The following BFSP1 variants were observed in gnomAD, a reference collection of about 807,000 sequenced individuals.
The protein encoded by BFSP1 is beaded filament structural protein 1.
In BFSP1, 38 loss-of-function variants were observed where a neutral mutation model predicts 43.9. That is an observed-to-expected ratio of 0.87 (90% CI 0.67 to 1.14). The LOEUF (loss-of-function observed/expected upper bound fraction) is 1.14. Among genes scored for constraint, BFSP1 ranks in the 50% most tolerant of loss-of-function variants. The pLI is 0.00. For missense variants in BFSP1, 850 were observed against 875.1 expected, an observed-to-expected ratio of 0.97 and a Z score of 0.36; for synonymous variants, 352 against 354.8, an observed-to-expected ratio of 0.99 and a Z score of 0.09.
exon 1 of BFSP1, chr20:17,558,805 T>C: frequency 6.9e-7 from 1 of 1,453,958 alleles, no homozygotes; most frequent in Non-Finnish European, 9.2e-7. Context: ...CAAAACCCTC[T>C]CCAGAGGGCC....
chr20:17,495,543 C>T (rs748050276), intron 7 of BFSP1, among the ~76,000 whole-genome samples: 3 of 152,148 alleles, frequency 2.0e-5, no homozygotes, highest in East Asian at 1.9e-4. Flanking sequence ...AACCCGTTCA[C>T]GGTGGATCTA....
chr20:17,559,532 C>T (rs1487965711), upstream of BFSP1, among the ~76,000 whole-genome samples: 2 of 152,202 alleles, frequency 1.3e-5, no homozygotes, highest in Non-Finnish European at 2.9e-5. Flanking sequence ...AACAGTAGGG[C>T]TAGGCAAGAC....
chr20:17,528,778 C>T (rs927911935), intron 1 of BFSP1, among the ~76,000 whole-genome samples: 4 of 152,092 alleles, frequency 2.6e-5, no homozygotes, highest in Admixed American at 6.6e-5. Context: ...TGACAGGAAT[C>T]GAATCAATAA....
chr20:17,522,020 G>A (rs993997693), intron 2 of BFSP1, among the ~76,000 whole-genome samples: 2 of 152,192 alleles, frequency 1.3e-5, no homozygotes, highest in Non-Finnish European at 2.9e-5. Context: ...CAGAGCCCGA[G>A]ATGCAGGCAG....
intron 1 of BFSP1, among the ~76,000 whole-genome samples, chr20:17,551,255 G>A (rs1163193687): frequency 2.6e-5 from 4 of 152,200 alleles, no homozygotes; most frequent in African/African-American, 7.2e-5. Flanking sequence ...GCCTCAGGGA[G>A]TTTTTACTCA....
intron 6 of BFSP1, among the ~76,000 whole-genome samples, chr20:17,497,413 T>G (rs2033660305): frequency 6.7e-6 from 1 of 149,624 alleles, no homozygotes; most frequent in Non-Finnish European, 1.5e-5. Flanking sequence ...GAGTATGATA[T>G]CTCCAACTTA....
intron 4 of BFSP1, 30 bp downstream of exon 4, chr20:17,511,946 T>G (rs1181616874): frequency 1.3e-6 from 2 of 1,548,192 alleles, no homozygotes; most frequent in Admixed American, 1.7e-5. Flanking sequence ...CCTCCAGGGC[T>G]GGTTTGCCTT....
rs760220303 is a variant in BFSP1 at position 17,494,635 on chromosome 20, G to A, written c.1437C>T (p.Tyr479=). 5.2e-5 allele frequency: 84 copies of A among 1,614,118 alleles called. No homozygotes were observed. The highest frequency in any genetic ancestry group is 2.1e-4 in the South Asian group (19 of 91,076). ...RHVLVTGDAN[Y]VDPRFYVSSI... is the part of the protein sequence containing the mutation. ...AGGAGACATAGAATCTAGGGTCCAC[G>A]TAATTGGCATCCCCTGTGACCAGCA... Residue 479 remains tyrosine (Y), a synonymous_variant, in exon 8 of 8, where the codon TAC becomes TAT. Transcript: ENST00000377873.
rs558280574 is a variant in BFSP1 at position 17,497,538 on chromosome 20, ATATG to A, written c.957-519_957-516del. 5.7e-3 allele frequency among the ~76,000 whole-genome samples: 729 copies of A among 128,874 alleles called. 10 individuals are homozygous for A. The highest frequency in any genetic ancestry group is 0.019 in the African/African-American group (667 of 34,544). The allele number at this position is 128,874 out of a possible 152,430, so 84.5% of individuals were successfully genotyped here. ...TATATATATACACACACGTATGTAT[ATATG>A]TGTGTATATATGTATATGTGTGTGT... On this transcript the variant is annotated intron_variant, in intron 6 of 7. Transcript: ENST00000377873.
chr20:17,542,775 T>C (rs2034741072), intron 1 of BFSP1, among the ~76,000 whole-genome samples: 1 of 152,222 alleles, frequency 6.6e-6, no homozygotes, highest in South Asian at 2.1e-4. Flanking sequence ...TGCTAAGTTT[T>C]AAAAAATTAG....
intron 2 of BFSP1, among the ~76,000 whole-genome samples, chr20:17,523,118 C>T (rs1379596410): frequency 1.3e-5 from 2 of 152,170 alleles, no homozygotes; most frequent in Non-Finnish European, 1.5e-5. Flanking sequence ...GTGTATTATG[C>T]GATGCCTTTT....
intron 2 of BFSP1, chr20:17,517,096 C>G: frequency 2.4e-6 from 2 of 829,350 alleles, no homozygotes; most frequent in Non-Finnish European, 4.2e-6. Context: ...AAGTCTTACA[C>G]CACTCCCAAG....
At position 17,546,433 on chromosome 20, in the gene BFSP1, G is replaced by C. The variant is rs183867717; in HGVS notation, c.2+12255C>G. ...ATAAGATTTGGGGCTGGGCGAAGTG[G>C]CTCATGCCTGTAATCCCAGCACTTT... On this transcript the variant is annotated intron_variant, in intron 1 of 7. Coordinates refer to the BFSP1 transcript ENST00000377868. Among the ~76,000 whole-genome samples, 434 of 152,342 alleles carry C rather than the reference G, an allele frequency of 2.8e-3. 1 individual carries two copies. The highest frequency in any genetic ancestry group is 9.5e-3 in the African/African-American group (393 of 41,584).
upstream of BFSP1, among the ~76,000 whole-genome samples, chr20:17,532,958 A>T (rs141379616): frequency 0.015 from 2,269 of 152,252 alleles, 27 homozygotes; most frequent in Admixed American, 0.022. Context: ...TTACACCAAA[A>T]TATTACCTCA....
chr20:17,516,628 G>T (rs746347557), intron 2 of BFSP1, among the ~76,000 whole-genome samples: 1 of 152,168 alleles, frequency 6.6e-6, no homozygotes, highest in Non-Finnish European at 1.5e-5. Flanking sequence ...TGTGAATTTG[G>T]TCTAAAGCAT....
Position 17,498,852 on chromosome 20 carries a change from C to A in BFSP1, c.924G>T (p.Arg308=). Residue 308 remains arginine (R), a synonymous_variant, in exon 6 of 8, where the codon CGG becomes CGT. Transcript: ENST00000377873. ...CTTCAATCTCGATGATACGATGATA[C>A]CGGTCCAGCTCATTCTTCAGGGTTT... ...AQQTLKNELD[R]YHRIIEIEGN... The A allele has an allele frequency of 6.2e-7, 1 of 1,613,468 alleles. No individual in the cohort carries two copies. The highest frequency in any genetic ancestry group is 1.3e-5 in the African/African-American group (1 of 75,032).
chr20:17,539,199 C>G (rs1310358507), intron 1 of BFSP1, among the ~76,000 whole-genome samples: 3 of 147,750 alleles, frequency 2.0e-5, no homozygotes, highest in Non-Finnish European at 4.4e-5. Context: ...CAGCCTCAAC[C>G]TCCTGGGCTC....
At chr20:17,526,574 G>A (rs938205384) in intron 1 of BFSP1, among the ~76,000 whole-genome samples, 1 of 152,252 alleles carries the variant, frequency 6.6e-6, no homozygotes, top group East Asian at 1.9e-4. Context: ...TTTGTCAGTG[G>A]ACACTTGGGT....
chr20:17,556,599 C>T (rs909529348), intron 1 of BFSP1, among the ~76,000 whole-genome samples: 2 of 152,006 alleles, frequency 1.3e-5, no homozygotes, highest in Admixed American at 1.3e-4. Flanking sequence ...TGTAAATAAG[C>T]AAAACCTGGA....
Sources: gnomAD v4.1 joint callset for allele counts (sites outside exome capture counted in the v4.1 genomes callset) on GRCh38, gnomAD v4.1.1 for gene constraint, MANE v1.5 for transcripts, NCBI Gene and HGNC (gene_info 2026-07-23, HGNC 2026-07-21) for gene names.